The following DHRS4L2 variants were observed in gnomAD, a reference collection of about 807,000 sequenced individuals.
The protein encoded by DHRS4L2 is dehydrogenase/reductase 4 like 2.
DHRS4L2 carries 22 observed loss-of-function variants against 23.9 expected under a neutral mutation model. The ratio of observed to expected loss-of-function variants is 0.92; its 90% CI spans 0.66 to 1.31. The LOEUF (loss-of-function observed/expected upper bound fraction) is 1.31. DHRS4L2 is among the 40% of genes most tolerant of loss of function. The probability of loss-of-function intolerance (pLI) is 0.00; values close to 1 mark genes in which losing one functional copy is unlikely to be tolerated. For missense variants in DHRS4L2, 385 were observed against 303.3 expected (o/e 1.27, Z -2.00); for synonymous variants, 141 against 123.7 (o/e 1.14, Z -0.93).
At chr14:23,974,216 G>T (rs1351439938) in intron 1 of DHRS4L2, among the ~76,000 whole-genome samples, 2 of 151,750 alleles carry the variant, frequency 1.3e-5, no homozygotes, top group Admixed American at 6.6e-5. Flanking sequence ...CAAAGACACA[G>T]TGTAGCAGAA....
In DHRS4L2 at chr14:23,990,194, C is replaced by A; in HGVS notation, c.141C>A (p.Ala47=). Residue 47 remains alanine (A), a synonymous_variant, in exon 2 of 8, where the codon GCC becomes GCA. Transcript: ENST00000335125. ...VTASTDGIGF[A]IARRLAQDRA... Reference sequence around the variant, plus strand: ...TTTCTGCTCACAGGATCGGCTTCGCCATCGCCCGGCGTTTGGCCCAGGACA... The same window carrying A: ...TTTCTGCTCACAGGATCGGCTTCGCAATCGCCCGGCGTTTGGCCCAGGACA... The A allele has an allele frequency of 2.5e-6, 4 of 1,612,784 alleles. No individual in the cohort carries two copies. Among genetic ancestry groups the A allele is most frequent in the Non-Finnish European group, 3.4e-6 (4 of 1,179,336 alleles).
Position 24,000,873 on chromosome 14 carries a change from T to C in DHRS4L2, c.419T>C (p.Ile140Thr), listed in dbSNP as rs1335883750. ...TEEVWDKTLD[I>T]NVKAPALMTK... ...TTCTCTTGGCTTCAGACTCTGGACA[T>C]TAATGTGAAGGCCCCAGCCCTGATG... The change falls in exon 4 of 8, where the codon ATT becomes ACT. Residue 140 changes from isoleucine (I) to threonine (T), a missense_variant. Coordinates refer to ENST00000335125, the MANE Select transcript of DHRS4L2 (RefSeq NM_198083.4). The C allele has an allele frequency of 1.2e-6, 2 of 1,609,890 alleles. No individual in the cohort carries two copies. The highest frequency in any genetic ancestry group is 1.4e-5 in the African/African-American group (1 of 73,664).
At chr14:23,976,788 G>C (rs1485804744) in intron 1 of DHRS4L2, among the ~76,000 whole-genome samples, 2 of 151,856 alleles carry the variant, frequency 1.3e-5, no homozygotes, top group South Asian at 2.1e-4. Context: ...AAAAGGATGA[G>C]TTCGTGTCCT....
At chr14:23,977,615 G>A (rs540488795) in intron 1 of DHRS4L2, among the ~76,000 whole-genome samples, 10 of 151,802 alleles carry the variant, frequency 6.6e-5, no homozygotes, top group Non-Finnish European at 8.8e-5. Flanking sequence ...GCCTTGAGAC[G>A]TGACTGTGAT....
upstream of DHRS4L2, among the ~76,000 whole-genome samples, chr14:23,985,442 G>A (rs1272980144): frequency 1.3e-5 from 2 of 151,698 alleles, no homozygotes; most frequent in Admixed American, 6.6e-5. Flanking sequence ...ATCCTGACTT[G>A]TGTCAGTGAT....
chr14:23,981,503 C>T (rs1280398353), intron 1 of DHRS4L2, among the ~76,000 whole-genome samples: 1 of 151,520 alleles, frequency 6.6e-6, no homozygotes, highest in African/African-American at 2.4e-5. Flanking sequence ...CTGAAGGGGG[C>T]CAGCCCCTCC....
At chr14:23,975,777 G>C (rs2033953974) in intron 1 of DHRS4L2, among the ~76,000 whole-genome samples, 1 of 151,452 alleles carries the variant, frequency 6.6e-6, no homozygotes, top group Non-Finnish European at 1.5e-5. Flanking sequence ...TAATGGAACA[G>C]AACAGAAGCC....
upstream of DHRS4L2, among the ~76,000 whole-genome samples, chr14:23,983,938 G>A (rs1957677): frequency 0.068 from 10,259 of 151,356 alleles, 609 homozygotes; most frequent in East Asian, 0.2. Context: ...TATAGATGAC[G>A]TGTTGATGGG....
intron 2 of DHRS4L2, chr14:23,990,665 G>A: frequency 1.7e-6 from 2 of 1,162,932 alleles, no homozygotes; most frequent in Non-Finnish European, 2.1e-6. Context: ...CCACCCATGA[G>A]CTAATAAACA....
upstream of DHRS4L2, among the ~76,000 whole-genome samples, chr14:23,988,260 C>T (rs1359036528): frequency 6.7e-6 from 1 of 149,646 alleles, no homozygotes; most frequent in Non-Finnish European, 1.5e-5. Context: ...CCAGCCTCCT[C>T]GCTACCACTT....
chr14:23,990,412 C>T (rs2138535745), intron 2 of DHRS4L2, 53 bp downstream of exon 2: 2 of 1,553,242 alleles, frequency 1.3e-6, no homozygotes, highest in South Asian at 2.4e-5. Flanking sequence ...GGAAGCCAGC[C>T]TGAGCCTCCT....
At chr14:23,974,918 A>C (rs746104618) in intron 1 of DHRS4L2, among the ~76,000 whole-genome samples, 77 of 151,986 alleles carry the variant, frequency 5.1e-4, no homozygotes, top group Non-Finnish European at 9.7e-4. Context: ...AATCATCCGG[A>C]TATCAAAGCT....
chr14:24,000,817 C>G lies in DHRS4L2; in HGVS notation c.409-46C>G, dbSNP rs775527434. ...ACTCCTCATTTTTTCATGCCTCCTC[C>G]AGTGCTCTTCACTCATGCTGTTTCC... On this transcript the variant is annotated intron_variant, in intron 3 of 7. Transcript: ENST00000335125. The G allele has an allele frequency of 6.9e-5, 107 of 1,543,172 alleles. No homozygotes were observed. The East Asian group carries it at 2.4e-3, about 35-fold the overall frequency.
At chr14:24,005,793 T>C (rs2034563133) in intron 7 of DHRS4L2, 93 bp from the exon 8 acceptor site, 1 of 1,555,700 alleles carries the variant, frequency 6.4e-7, no homozygotes, top group Non-Finnish European at 8.7e-7. Flanking sequence ...ATCTGATAAT[T>C]CTTGATTAAG....
At chr14:23,984,798 G>A (rs1387698922), upstream of DHRS4L2, among the ~76,000 whole-genome samples, 3 of 94,518 alleles carry the variant, frequency 3.2e-5, 1 homozygote, top group Non-Finnish European at 5.5e-5. Context: ...AGAGCAAGAT[G>A]CCATCTCAAA....
chr14:23,982,187 C>T (rs1434612134), intron 1 of DHRS4L2, among the ~76,000 whole-genome samples: 3 of 151,632 alleles, frequency 2.0e-5, no homozygotes, highest in African/African-American at 7.3e-5. Context: ...GAGGTCCCTG[C>T]GGCTTTCCGC....
Position 23,979,170 on chromosome 14 carries a change from T to C in DHRS4L2, c.-176+8838T>C, listed in dbSNP as rs1028845278. Among the ~76,000 whole-genome samples the C allele has an allele frequency of 3.8e-4, 56 of 149,068 alleles. 3 individuals carry two copies. Among genetic ancestry groups the C allele is most frequent in the African/African-American group, 1.3e-3 (51 of 40,342 alleles). ...TCCTGGTCTCCGATAAAACAGACTT[T>C]AAACCAACAAAGATCAAAAGAGACA... On this transcript the variant is annotated intron_variant, in intron 1 of 5. Coordinates refer to the DHRS4L2 transcript ENST00000534993.
chr14:23,987,177 T>C (rs150239794), upstream of DHRS4L2: 780 of 328,930 alleles, frequency 2.4e-3, 21 homozygotes, highest in African/African-American at 0.016. Flanking sequence ...GTCGCTCAGG[T>C]TGGAGTGCAG....
intron 6 of DHRS4L2, among the ~76,000 whole-genome samples, chr14:24,004,027 T>C (rs1418795836): frequency 8.1e-5 from 10 of 122,964 alleles, no homozygotes; most frequent in African/African-American, 3.3e-4. Context: ...TCCCAGCACA[T>C]TGGGAGGCCG....
Sources: allele counts gnomAD v4.1 joint callset (sites outside exome capture counted in the v4.1 genomes callset), GRCh38; gene constraint gnomAD v4.1.1; transcripts MANE v1.5; gene names NCBI Gene and HGNC (gene_info 2026-07-23, HGNC 2026-07-21).